Variants in FOXP1 observed in about 807,000 individuals in gnomAD.
The protein encoded by FOXP1 is forkhead box P1, also known as forkhead box protein P1.
FOXP1 carries 15 observed loss-of-function variants against 98.2 expected under a neutral mutation model. That is an observed-to-expected ratio of 0.15 (90% confidence interval 0.10 to 0.24). The LOEUF (loss-of-function observed/expected upper bound fraction) is 0.24, where lower values mean the gene tolerates loss of function less well. Among genes scored for constraint, FOXP1 ranks in the 10% least tolerant of loss-of-function variants. The pLI, the probability that FOXP1 is intolerant of heterozygous loss-of-function variation, is 1.00. For synonymous variants in FOXP1, 371 were observed against 314.5 expected, an observed-to-expected ratio of 1.18 and a Z score of -1.90; for missense variants, 633 against 848.5, an observed-to-expected ratio of 0.75 and a Z score of 3.15.
chr3:71,501,942 G>A (rs555263479), intron 2 of FOXP1, among the ~76,000 whole-genome samples: 1 of 152,172 alleles, frequency 6.6e-6, no homozygotes, highest in Non-Finnish European at 1.5e-5. Context: ...CAGCAAGGCA[G>A]GGTCTGGGAT....
chr3:71,563,876 G>T lies in FOXP1; in HGVS notation c.-298+17673C>A, dbSNP rs2046720248. Among the ~76,000 whole-genome samples the T allele has an allele frequency of 2.0e-5, 3 of 152,204 alleles. No homozygotes were observed. The South Asian group carries it at 6.2e-4, about 31-fold the overall frequency. ...TTTCCTCTCTCTCACCTTTCCTAAG[G>T]AGCTGGGCAAGCTGGTGCCAAACTG... On this transcript the variant is annotated intron_variant, in intron 2 of 20. Coordinates refer to ENST00000649528, the MANE Select transcript of FOXP1 (RefSeq NM_001349338.3).
In FOXP1 at chr3:71,041,526, A is replaced by C; in HGVS notation, c.671T>G (p.Ile224Ser). 6.2e-7 allele frequency: 1 copy of C among 1,613,696 alleles called. No individual in the cohort carries two copies. Among genetic ancestry groups the C allele is most frequent in the Non-Finnish European group, 8.5e-7 (1 of 1,179,744 alleles). Residue 224 changes from isoleucine to serine, a missense_variant, in exon 11 of 21, where the codon ATT becomes AGT. By Grantham distance (142) the Ile-to-Ser change is moderately radical (BLOSUM62 -2). Coordinates refer to ENST00000649528, the MANE Select transcript of FOXP1 (RefSeq NM_001349338.3). Reference sequence around the variant, plus strand: ...CCAGAGCTGCTGCAGTTCTGTTGGAATCATGCCTGAAACAAACAAATTGGA... The same window carrying C: ...CCAGAGCTGCTGCAGTTCTGTTGGACTCATGCCTGAAACAAACAAATTGGA... Reference protein sequence around the residue: ...LPLQPLAQGMIPTELQQLWKE... With the variant: ...LPLQPLAQGMSPTELQQLWKE...
chr3:71,239,595 T>C (rs2067080728), intron 5 of FOXP1, among the ~76,000 whole-genome samples: 1 of 152,040 alleles, frequency 6.6e-6, no homozygotes, highest in Non-Finnish European at 1.5e-5. Flanking sequence ...GCTCCACATT[T>C]CAAAAAAGTA....
chr3:71,100,513 A>G (rs1006765160), intron 7 of FOXP1, among the ~76,000 whole-genome samples: 7 of 152,212 alleles, frequency 4.6e-5, no homozygotes, highest in African/African-American at 1.2e-4. Flanking sequence ...GTAGATACCA[A>G]TGGAAAAGAA....
intron 5 of FOXP1, among the ~76,000 whole-genome samples, chr3:71,242,853 A>T (rs1367439646): frequency 1.3e-5 from 2 of 152,094 alleles, no homozygotes; most frequent in Non-Finnish European, 2.9e-5. Flanking sequence ...GTGTTCAAAA[A>T]TTTAAAGAAA....
In FOXP1 at chr3:71,445,371, C is replaced by T. The variant is rs535196363; in HGVS notation, c.-168+48055G>A. Reference sequence around the variant, plus strand: ...CAGCTCAGCAGTGTTTTGCCTGAACCGGAATGGGGCTGATGCTGAAGTCCA... The same window carrying T: ...CAGCTCAGCAGTGTTTTGCCTGAACTGGAATGGGGCTGATGCTGAAGTCCA... On this transcript the variant is annotated intron_variant, in intron 3 of 20. Coordinates refer to ENST00000649528, the MANE Select transcript of FOXP1 (RefSeq NM_001349338.3). Among the ~76,000 whole-genome samples, 12 of 152,242 alleles carry T rather than the reference C, an allele frequency of 7.9e-5. 1 individual carries two copies. Among genetic ancestry groups the T allele is most frequent in the Admixed American group, 2.0e-4 (3 of 15,296 alleles).
At chr3:71,230,620 G>A (rs2106753684) in intron 5 of FOXP1, among the ~76,000 whole-genome samples, 1 of 152,252 alleles carries the variant, frequency 6.6e-6, no homozygotes, top group African/African-American at 2.4e-5. Context: ...AACATCTAAA[G>A]TCTGCTAAGC....
At chr3:71,477,293 T>C (rs1362879810) in intron 3 of FOXP1, among the ~76,000 whole-genome samples, 1 of 152,152 alleles carries the variant, frequency 6.6e-6, no homozygotes, top group African/African-American at 2.4e-5. Flanking sequence ...AACACTTAAA[T>C]CCCTTTGCAT....
chr3:71,558,813 T>C (rs2046335103), intron 2 of FOXP1, among the ~76,000 whole-genome samples: 1 of 148,750 alleles, frequency 6.7e-6, no homozygotes, highest in South Asian at 2.1e-4. Flanking sequence ...TTTTTTTTTT[T>C]TTTTTTTGAG....
At chr3:71,188,637 C>G (rs1226556982) in intron 6 of FOXP1, among the ~76,000 whole-genome samples, 1 of 152,088 alleles carries the variant, frequency 6.6e-6, no homozygotes, top group South Asian at 2.1e-4. Flanking sequence ...AGGCTGGTCT[C>G]GAACTCCTGA....
chr3:71,319,988 G>A (rs930621994), intron 4 of FOXP1, among the ~76,000 whole-genome samples: 4 of 151,970 alleles, frequency 2.6e-5, no homozygotes, highest in African/African-American at 9.7e-5. Context: ...AACACTTGCC[G>A]GCCCACACAA....
intron 2 of FOXP1, among the ~76,000 whole-genome samples, chr3:71,547,132 C>A (rs996626419): frequency 1.4e-4 from 21 of 152,286 alleles, no homozygotes; most frequent in African/African-American, 4.8e-4. Context: ...GGAATTCAAT[C>A]TATCTGAGTT....
chr3:71,480,502 T>C (rs971721828), intron 3 of FOXP1, among the ~76,000 whole-genome samples: 10 of 152,316 alleles, frequency 6.6e-5, no homozygotes, highest in African/African-American at 2.4e-4. Flanking sequence ...CGTTCCCAAA[T>C]GATGGAGATA....
intron 5 of FOXP1, among the ~76,000 whole-genome samples, chr3:71,268,491 ATCTTC>A (rs2069970402): frequency 1.3e-5 from 2 of 152,022 alleles, no homozygotes; most frequent in African/African-American, 4.8e-5. Context: ...ATTAAAACCG[ATCTTC>A]TTCTCTTCCA....
At chr3:71,458,498 T>C (rs974730627) in intron 3 of FOXP1, among the ~76,000 whole-genome samples, 8 of 152,338 alleles carry the variant, frequency 5.3e-5, no homozygotes, top group African/African-American at 7.2e-5. Context: ...TTTTTTAATT[T>C]TGGGAAAGTG....
At chr3:71,346,432 C>A (rs1189596300) in intron 4 of FOXP1, among the ~76,000 whole-genome samples, 4 of 152,176 alleles carry the variant, frequency 2.6e-5, no homozygotes, top group Non-Finnish European at 5.9e-5. Flanking sequence ...ATCTGCTAAC[C>A]ATGACCACAG....
chr3:71,497,703 T>C (rs1174171447), intron 2 of FOXP1, among the ~76,000 whole-genome samples: 2 of 152,166 alleles, frequency 1.3e-5, no homozygotes, highest in Non-Finnish European at 2.9e-5. Context: ...CTGACTACTT[T>C]AGGGGAAGGA....
chr3:71,445,669 C>T (rs966318690), intron 3 of FOXP1, among the ~76,000 whole-genome samples: 1 of 150,716 alleles, frequency 6.6e-6, no homozygotes, highest in Admixed American at 6.6e-5. Flanking sequence ...ATATAAATAT[C>T]TATCAATAGA....
At position 71,583,667 on chromosome 3, in the gene FOXP1, C is replaced by G; in HGVS notation, c.-543G>C. Reference sequence around the variant, plus strand: ...CGCGCGCGCACCCCGCGCACACACTCACTCGCGCACACACGCGCGCACACA... The same window carrying G: ...CGCGCGCGCACCCCGCGCACACACTGACTCGCGCACACACGCGCGCACACA... On this transcript the variant is annotated 5_prime_UTR_variant, in exon 1 of 21. Transcript: ENST00000649528. 1.0e-6 allele frequency: 1 copy of G among 984,920 alleles called. No homozygotes were observed. 61.0% of individuals were successfully genotyped at this position (984,920 alleles called of 1,614,324 possible).
Sources: gnomAD v4.1 joint callset for allele counts (sites outside exome capture counted in the v4.1 genomes callset) on GRCh38, gnomAD v4.1.1 for gene constraint, MANE v1.5 for transcripts, NCBI Gene and HGNC (gene_info 2026-07-23, HGNC 2026-07-21) for gene names.